MFSD8: variants seen among roughly 807,000 people sequenced by gnomAD.
The protein encoded by MFSD8 is major facilitator superfamily domain containing 8, also known as major facilitator superfamily domain-containing protein 8.
MFSD8 carries 55 observed loss-of-function variants against 66.4 expected under a neutral mutation model. That is an observed-to-expected ratio of 0.83 (90% CI 0.67 to 1.04). The LOEUF (loss-of-function observed/expected upper bound fraction) is 1.04. Among genes scored for constraint, MFSD8 ranks in the 50% least tolerant of loss-of-function variants. MFSD8 has a pLI of 0.00. For missense variants in MFSD8, 550 were observed against 627.6 expected (o/e 0.88, Z 1.32); for synonymous variants, 202 against 212.8 (o/e 0.95, Z 0.44).
At chr4:127,926,064 A>G (rs1737149941) in intron 9 of MFSD8, among the ~76,000 whole-genome samples, 2 of 151,904 alleles carry the variant, frequency 1.3e-5, no homozygotes, top group Admixed American at 6.6e-5. Flanking sequence ...GGAGGGGAAC[A>G]TCACACACAG....
Position 127,965,097 on chromosome 4 carries a change from G to T in MFSD8, c.37C>A (p.Leu13Ile), listed in dbSNP as rs150892838. The change falls in exon 1 of 12, where the codon CTC (leucine) becomes ATC (isoleucine). Residue 13 changes from leucine to isoleucine, a missense_variant. Coordinates refer to ENST00000641686, the MANE Select transcript of MFSD8 (RefSeq NM_001371596.2). ...GLRNESEQEPLLGDTPGSREW... is the reference protein window; with the variant it reads ...GLRNESEQEPILGDTPGSREW... ...CTGCTTCCAGGTGTGTCGCCTAAGA[G>T]CGGCTCCTGTTCACTTTCGTTCCGC... The T allele has an allele frequency of 3.1e-6, 5 of 1,613,974 alleles. No individual in the cohort carries two copies. Among genetic ancestry groups the T allele is most frequent in the Non-Finnish European group, 4.2e-6 (5 of 1,180,032 alleles).
chr4:127,943,931 T>C lies in MFSD8; in HGVS notation c.260A>G (p.Gln87Arg). 1 of 1,614,216 alleles carries C rather than the reference T, an allele frequency of 6.2e-7. No individual in the cohort carries two copies. The highest frequency in any genetic ancestry group is 8.5e-7 in the Non-Finnish European group (1 of 1,180,044). The change falls in exon 4 of 12, where the codon CAA becomes CGA. Residue 87 changes from glutamine to arginine, a missense_variant. Physicochemically the swap from Gln to Arg is conservative, Grantham distance 43. Coordinates refer to ENST00000641686, the MANE Select transcript of MFSD8 (RefSeq NM_001371596.2). ...ACCAAATATAGGTGAAGCTACCATTTGGCCAAGACTATATGAAGCAATAAC... is the reference window on the plus strand; with the variant it reads ...ACCAAATATAGGTGAAGCTACCATTCGGCCAAGACTATATGAAGCAATAAC... ...GWVIASYSLG[Q>R]MVASPIFGLW...
intron 1 of MFSD8, among the ~76,000 whole-genome samples, chr4:127,963,728 T>A (rs989166774): frequency 3.3e-5 from 5 of 152,166 alleles, no homozygotes; most frequent in African/African-American, 4.8e-5. Context: ...GTAGCAAGAT[T>A]TATCGCAAAG....
At chr4:127,942,665 G>GA (rs200813472) in intron 4 of MFSD8, among the ~76,000 whole-genome samples, 2,287 of 107,466 alleles carry the variant, frequency 0.021, 31 homozygotes, top group Non-Finnish European at 0.03. Flanking sequence ...GGGCAACAGT[G>GA]AAAAAAAAAA....
intron 2 of MFSD8, among the ~76,000 whole-genome samples, chr4:127,956,368 C>T (rs1247861632): frequency 6.6e-6 from 1 of 150,506 alleles, no homozygotes; most frequent in Non-Finnish European, 1.5e-5. Flanking sequence ...AGCGTGGTGG[C>T]GGGTGTCTGT....
intron 5 of MFSD8, among the ~76,000 whole-genome samples, 164 bp downstream of exon 5, chr4:127,941,881 A>T (rs1372220382): frequency 6.6e-6 from 1 of 152,250 alleles, no homozygotes; most frequent in Non-Finnish European, 1.5e-5. Context: ...GTGGATTGGC[A>T]TCAAGATAAA....
intron 6 of MFSD8, chr4:127,939,250 A>G (rs1739675442): frequency 6.4e-6 from 1 of 155,914 alleles, no homozygotes; most frequent in Admixed American, 6.4e-5. Context: ...GACTGATACA[A>G]ATCCATTAAT....
chr4:127,951,471 TG>T (rs1256547541), intron 2 of MFSD8, among the ~76,000 whole-genome samples: 7 of 152,120 alleles, frequency 4.6e-5, no homozygotes, highest in Non-Finnish European at 1.0e-4. Context: ...TCAGGTGATC[TG>T]CCTGCCTTGC....
At position 127,943,739 on chromosome 4, in the gene MFSD8, C is replaced by A; in HGVS notation, c.439+13G>T. The A allele has an allele frequency of 6.2e-7, 1 of 1,613,994 alleles. No individual in the cohort carries two copies. The highest frequency in any genetic ancestry group is 8.5e-7 in the Non-Finnish European group (1 of 1,179,978). On this transcript the variant is annotated intron_variant, in intron 4 of 11. Coordinates refer to ENST00000641686, the MANE Select transcript of MFSD8 (RefSeq NM_001371596.2). ...TGAATATGACACAACCAAACATATA[C>A]ATACAACCTTACCTGCTCCAATTCC...
intron 1 of MFSD8, among the ~76,000 whole-genome samples, chr4:127,961,417 T>C (rs1366476778): frequency 1.3e-5 from 2 of 151,922 alleles, no homozygotes; most frequent in East Asian, 1.9e-4. Context: ...GAAAAAAAAT[T>C]CTCTTTTGTA....
At chr4:127,957,988 C>G (rs1177020052) in intron 1 of MFSD8, among the ~76,000 whole-genome samples, 1 of 152,172 alleles carries the variant, frequency 6.6e-6, no homozygotes, top group Non-Finnish European at 1.5e-5. Flanking sequence ...AAAATAATAA[C>G]TGTCATCATT....
chr4:127,921,062 C>T (rs1211950984), intron 11 of MFSD8: 6 of 581,796 alleles, frequency 1.0e-5, no homozygotes, highest in Non-Finnish European at 1.5e-5. Context: ...CTGCTGAAGC[C>T]CTGGGAATAA....
intron 9 of MFSD8, among the ~76,000 whole-genome samples, chr4:127,923,277 C>T (rs1192537831): frequency 2.0e-5 from 3 of 151,978 alleles, no homozygotes; most frequent in Admixed American, 6.6e-5. Context: ...TCATAAATAG[C>T]GCTTATTATT....
intron 9 of MFSD8, among the ~76,000 whole-genome samples, chr4:127,928,757 T>C (rs1737626194): frequency 6.6e-6 from 1 of 152,054 alleles, no homozygotes; most frequent in Non-Finnish European, 1.5e-5. Flanking sequence ...CTAAAAGAAA[T>C]GAAATCAATA....
chr4:127,964,643 G>A (rs981558527), intron 1 of MFSD8: 1 of 216,328 alleles, frequency 4.6e-6, no homozygotes, highest in East Asian at 1.3e-4. Context: ...TGCAAGCTGA[G>A]GGAGCCGGCT....
chr4:127,946,780 T>TG (rs1741099357), intron 3 of MFSD8, among the ~76,000 whole-genome samples: 1 of 151,948 alleles, frequency 6.6e-6, no homozygotes, highest in African/African-American at 2.4e-5. Flanking sequence ...CTGGGCGTGG[T>TG]GGTGCACGAC....
chr4:127,953,765 G>A (rs1394252892), intron 2 of MFSD8, among the ~76,000 whole-genome samples: 1 of 151,856 alleles, frequency 6.6e-6, no homozygotes, highest in Non-Finnish European at 1.5e-5. Context: ...TTACAGGCGT[G>A]AGCCACCTTG....
chr4:127,933,767 A>AT (rs199651012), intron 7 of MFSD8: 1 of 152,150 alleles, frequency 6.6e-6, no homozygotes, highest in Non-Finnish European at 1.5e-5. Context: ...TCAACTGCAG[A>AT]TTTTTTCCAC....
chr4:127,957,661 T>G, intron 1 of MFSD8, 69 bp from the exon 2 acceptor site: 1 of 1,042,478 alleles, frequency 9.6e-7, no homozygotes, highest in Non-Finnish European at 1.5e-6. Flanking sequence ...TGTCAACAGT[T>G]TTATTCTCTA....
Sources: gnomAD v4.1 joint callset for allele counts (sites outside exome capture counted in the v4.1 genomes callset) on GRCh38, gnomAD v4.1.1 for gene constraint, MANE v1.5 for transcripts, NCBI Gene and HGNC (gene_info 2026-07-23, HGNC 2026-07-21) for gene names.